Variants in RAPGEF4 observed in about 807,000 individuals in gnomAD.
The protein encoded by RAPGEF4 is RAP guanine-nucleotide-exchange factor (GEF) 4.
RAPGEF4 carries 66 observed loss-of-function variants against 147.9 expected under a neutral mutation model. That is an observed-to-expected ratio of 0.45 (90% CI 0.37 to 0.55). The LOEUF (loss-of-function observed/expected upper bound fraction) is 0.55. Ranked by LOEUF, RAPGEF4 falls within the 20% of genes least tolerant of loss-of-function variation. RAPGEF4 has a pLI of 0.00. For synonymous variants in RAPGEF4, 419 were observed against 442.7 expected (o/e 0.95, Z 0.67); for missense variants, 1,071 against 1,257.3 (o/e 0.85, Z 2.24).
intron 1 of RAPGEF4, among the ~76,000 whole-genome samples, chr2:172,763,226 CCTTGT>C (rs1696511662): frequency 6.6e-6 from 1 of 152,132 alleles, no homozygotes; most frequent in Admixed American, 6.5e-5. Context: ...CAGCCACTTT[CCTTGT>C]CTTGAGTCAT....
chr2:172,847,080 A>G (rs955468430), intron 4 of RAPGEF4, among the ~76,000 whole-genome samples: 14 of 152,186 alleles, frequency 9.2e-5, no homozygotes, highest in Admixed American at 8.5e-4. Flanking sequence ...AGGAGCAAAT[A>G]TAAGAATTGG....
intron 5 of RAPGEF4, among the ~76,000 whole-genome samples, chr2:172,918,664 A>G (rs1278374265): frequency 2.0e-5 from 3 of 152,150 alleles, no homozygotes; most frequent in African/African-American, 4.8e-5. Flanking sequence ...TGATCTGTTC[A>G]TGCATGTCGG....
chr2:172,783,678 G>T (rs1473218978), intron 1 of RAPGEF4, among the ~76,000 whole-genome samples: 1 of 152,086 alleles, frequency 6.6e-6, no homozygotes, highest in African/African-American at 2.4e-5. Flanking sequence ...CCTTGAGGAG[G>T]TGCTTGCGTG....
chr2:172,907,057 C>T (rs1172180790), intron 4 of RAPGEF4, among the ~76,000 whole-genome samples: 1 of 152,124 alleles, frequency 6.6e-6, no homozygotes. Context: ...TGGGTTTATC[C>T]CCACCACCCC....
rs1684870156 is a variant in RAPGEF4, at chr2:173,042,381, C to T, written c.2853+5689C>T. On this transcript the variant is annotated intron_variant, in intron 29 of 30. Coordinates refer to ENST00000397081, the MANE Select transcript of RAPGEF4 (RefSeq NM_007023.4). This position sits in a 1 kb window ranked among gnomAD's most constrained non-coding sequence, Gnocchi z 4.2. Reference sequence around the variant, plus strand: ...GGGCACAGTGGCTCACGCCTGTAATCCCAGCACTTTGGGAGACTGAGGCGG... The same window carrying T: ...GGGCACAGTGGCTCACGCCTGTAATTCCAGCACTTTGGGAGACTGAGGCGG... Among the ~76,000 whole-genome samples, 1 of 152,168 alleles carries T rather than the reference C, an allele frequency of 6.6e-6. No homozygotes were observed. Among genetic ancestry groups the T allele is most frequent in the African/African-American group, 2.4e-5 (1 of 41,428 alleles).
intron 17 of RAPGEF4, among the ~76,000 whole-genome samples, chr2:173,005,120 C>T (rs201836453): frequency 1.3e-5 from 2 of 150,086 alleles, no homozygotes; most frequent in South Asian, 2.1e-4. Context: ...CGGTTTTTTT[C>T]TTTTTTTTTT....
chr2:172,840,772 A>G lies in RAPGEF4; in HGVS notation c.444+26347A>G, dbSNP rs143185856. On this transcript the variant is annotated intron_variant, in intron 4 of 30. Transcript: ENST00000397081. ...TCCTTAGCAGGTCCTTTTTCAGGGAAATTGTCTTGGGATGTCTTGTTAGCT... is the reference window on the plus strand; with the variant it reads ...TCCTTAGCAGGTCCTTTTTCAGGGAGATTGTCTTGGGATGTCTTGTTAGCT... 5.0e-3 allele frequency among the ~76,000 whole-genome samples: 764 copies of G among 152,330 alleles called. 10 individuals carry two copies. The highest frequency in any genetic ancestry group is 8.3e-3 in the Non-Finnish European group (568 of 68,030).
intron 19 of RAPGEF4, among the ~76,000 whole-genome samples, chr2:173,016,871 C>T (rs1168701775): frequency 2.6e-5 from 4 of 152,208 alleles, no homozygotes; most frequent in African/African-American, 4.8e-5. Flanking sequence ...CATGCTATTA[C>T]TTGAACTATA....
chr2:172,866,613 G>A (rs1694677878), intron 4 of RAPGEF4, among the ~76,000 whole-genome samples: 1 of 152,006 alleles, frequency 6.6e-6, no homozygotes, highest in Non-Finnish European at 1.5e-5. Flanking sequence ...ACTTTGGGAG[G>A]CAGGATACAG....
intron 1 of RAPGEF4, 65 bp downstream of exon 1, chr2:172,736,113 C>G (rs908197934): frequency 7.9e-7 from 1 of 1,268,616 alleles, no homozygotes; most frequent in African/African-American, 1.6e-5. Flanking sequence ...CTGAGACCGC[C>G]GCAGCTCCGC....
rs559509456 is a variant in RAPGEF4 at position 172,994,200 on chromosome 2, A to G, written c.1491-2266A>G. Reference sequence around the variant, plus strand: ...CTGGTTTTCCCCCCATTCAGTTTTCATGTTATGGAATGTACATATACTCCT... The same window carrying G: ...CTGGTTTTCCCCCCATTCAGTTTTCGTGTTATGGAATGTACATATACTCCT... On this transcript the variant is annotated intron_variant, in intron 15 of 30. Transcript: ENST00000397081. Among the ~76,000 whole-genome samples, 229 of 152,306 alleles carry G rather than the reference A, an allele frequency of 1.5e-3. 1 individual carries two copies. The highest frequency in any genetic ancestry group is 2.5e-3 in the Non-Finnish European group (170 of 68,026).
intron 4 of RAPGEF4, among the ~76,000 whole-genome samples, chr2:172,901,892 T>C (rs538336622): frequency 8.0e-4 from 122 of 152,196 alleles, no homozygotes; most frequent in Non-Finnish European, 1.1e-3. Flanking sequence ...GAAAAAGCAT[T>C]GAGCCACTCC....
intron 20 of RAPGEF4, 39 bp from the exon 21 acceptor site, chr2:173,017,387 C>A: frequency 6.3e-7 from 1 of 1,580,238 alleles, no homozygotes; most frequent in South Asian, 1.1e-5. Flanking sequence ...ATGCATTGGT[C>A]ACTGTCCCTT....
intron 3 of RAPGEF4, among the ~76,000 whole-genome samples, chr2:172,807,388 G>A (rs1249918293): frequency 6.6e-6 from 1 of 152,250 alleles, no homozygotes; most frequent in East Asian, 1.9e-4. Flanking sequence ...TATTGAACAT[G>A]CTGATTCCAG....
intron 12 of RAPGEF4, among the ~76,000 whole-genome samples, chr2:172,987,891 G>T (rs986527855): frequency 6.6e-6 from 1 of 152,090 alleles, no homozygotes; most frequent in Non-Finnish European, 1.5e-5. Flanking sequence ...TTTTTCTATG[G>T]GATAAGTTTT....
chr2:172,902,211 A>C (rs1699137808), intron 4 of RAPGEF4, among the ~76,000 whole-genome samples: 1 of 152,166 alleles, frequency 6.6e-6, no homozygotes, highest in South Asian at 2.1e-4. Context: ...GGCAGAGGCC[A>C]GGTTGTGTAA....
intron 29 of RAPGEF4, among the ~76,000 whole-genome samples, chr2:173,037,603 T>G (rs917216282): frequency 3.9e-5 from 6 of 152,216 alleles, no homozygotes; most frequent in Admixed American, 2.0e-4. Context: ...GATCATTGTC[T>G]TCTGAATCCT....
At chr2:172,901,927 C>T (rs1308390066) in intron 4 of RAPGEF4, among the ~76,000 whole-genome samples, 3 of 152,044 alleles carry the variant, frequency 2.0e-5, no homozygotes, top group South Asian at 4.2e-4. Flanking sequence ...GGCATAATGA[C>T]ACATTACCTG....
At chr2:173,012,276 C>A (rs1178330021) in intron 17 of RAPGEF4, among the ~76,000 whole-genome samples, 1 of 152,180 alleles carries the variant, frequency 6.6e-6, no homozygotes, top group Non-Finnish European at 1.5e-5. Context: ...GGACAGCAGT[C>A]TAGGGAGCGA....
Sources: allele counts gnomAD v4.1 joint callset (sites outside exome capture counted in the v4.1 genomes callset), GRCh38; gene constraint gnomAD v4.1.1; non-coding constraint Gnocchi (gnomAD v3.1); transcripts MANE v1.5; gene names NCBI Gene and HGNC (gene_info 2026-07-23, HGNC 2026-07-21).